Variants in OLFM1 observed in about 807,000 individuals in gnomAD.
OLFM1 encodes the protein noelin.
In OLFM1, 9 loss-of-function variants were observed where a neutral mutation model predicts 49.7. The ratio of observed to expected loss-of-function variants is 0.18; its 90% CI spans 0.11 to 0.32. The LOEUF (loss-of-function observed/expected upper bound fraction) is 0.32. Among genes scored for constraint, OLFM1 ranks in the 10% least tolerant of loss-of-function variants. The probability of loss-of-function intolerance (pLI) is 1.00; values close to 1 mark genes in which losing one functional copy is unlikely to be tolerated. For synonymous variants in OLFM1, 240 were observed against 271.8 expected (o/e 0.88, Z 1.15); for missense variants, 369 against 661.8 (o/e 0.56, Z 4.85).
rs554963406 is a variant in OLFM1 at position 135,076,771 on chromosome 9, CT to C, written c.96+970del. On this transcript the variant is annotated intron_variant, in intron 1 of 5. Transcript: ENST00000252854. ...CCTTGGCCCCAAGCCCCAGCTGCCCCTGACCCTTCTTTCCTTCCTCCCTTCC... is the reference window on the plus strand; with the variant it reads ...CCTTGGCCCCAAGCCCCAGCTGCCCCGACCCTTCTTTCCTTCCTCCCTTCC... 177 of 1,500,328 alleles carry C rather than the reference CT, an allele frequency of 1.2e-4. No homozygotes were observed. The African/African-American group carries it at 2.1e-3, about 17-fold the overall frequency. The allele number at this position is 1,500,328 out of a possible 1,614,324, so 92.9% of individuals were successfully genotyped here.
chr9:135,076,554 C>T, intron 1 of OLFM1: 1 of 1,135,606 alleles, frequency 8.8e-7, no homozygotes, highest in Non-Finnish European at 1.2e-6. Context: ...AGGAGAAGGG[C>T]TGTCTGTGAG....
intron 4 of OLFM1, among the ~76,000 whole-genome samples, chr9:135,104,702 G>A (rs1441152730): frequency 6.6e-6 from 1 of 152,168 alleles, no homozygotes; most frequent in Non-Finnish European, 1.5e-5. Context: ...GGCTGTGAAG[G>A]GCTTCTCCCA....
chr9:135,096,661 T>C (rs562068909), intron 3 of OLFM1, among the ~76,000 whole-genome samples: 8 of 152,348 alleles, frequency 5.3e-5, no homozygotes, highest in African/African-American at 1.7e-4. Flanking sequence ...GACATCGTTA[T>C]TGGCCCTTGT....
chr9:135,114,366 T>C (rs942007347), intron 5 of OLFM1, among the ~76,000 whole-genome samples: 7 of 151,942 alleles, frequency 4.6e-5, no homozygotes, highest in Non-Finnish European at 8.8e-5. Flanking sequence ...CCGCCCACCT[T>C]AGCCTCCCAA....
At chr9:135,116,607 G>A (rs1360301632) in intron 5 of OLFM1, among the ~76,000 whole-genome samples, 1 of 152,100 alleles carries the variant, frequency 6.6e-6, no homozygotes, top group Non-Finnish European at 1.5e-5. Context: ...GTGCTGCGAT[G>A]GCAGGGGTGG....
chr9:135,077,058 A>G, intron 1 of OLFM1: 1 of 1,436,518 alleles, frequency 7.0e-7, no homozygotes, highest in East Asian at 2.7e-5. Context: ...GAGGTTCTGC[A>G]TGGCCTCTAG....
chr9:135,087,610 C>T (rs1830615599), upstream of OLFM1: 2 of 752,520 alleles, frequency 2.7e-6, no homozygotes, highest in Non-Finnish European at 3.7e-6. Flanking sequence ...GCGTCGGTCC[C>T]GCCCGGCCGA....
rs1319758082 is a variant in OLFM1, at chr9:135,087,823, C to T, written c.-167C>T. On this transcript the variant is annotated 5_prime_UTR_variant, in exon 1 of 6. Coordinates refer to ENST00000371793, the MANE Select transcript of OLFM1 (RefSeq NM_001282611.2). ...CGCCCGGGGAAGGCGCGGCGATGGC[C>T]GGGGCGCGCGGGGCGGCGGCGGCGG... 1 of 881,054 alleles carries T rather than the reference C, an allele frequency of 1.1e-6. No individual in the cohort carries two copies. Among genetic ancestry groups the T allele is most frequent in the Non-Finnish European group, 1.4e-6 (1 of 737,632 alleles). The allele number at this position is 881,054 out of a possible 1,614,324, so 54.6% of individuals were successfully genotyped here.
rs775689982 is a variant in OLFM1 at position 135,098,244 on chromosome 9, CT to C, written c.457-40del. 2 of 1,600,870 alleles carry C rather than the reference CT, an allele frequency of 1.2e-6. No homozygotes were observed. Among genetic ancestry groups the C allele is most frequent in the Non-Finnish European group, 1.7e-6 (2 of 1,169,884 alleles). On this transcript the variant is annotated intron_variant, in intron 3 of 5. Transcript: ENST00000371793. This position sits in a 1 kb window ranked among gnomAD's most constrained non-coding sequence, Gnocchi z 5.6. Reference sequence around the variant, plus strand: ...CAGGCCAAGGCAGGGTGTGAGAGTTCTTGCATGCATCGCACTGAACCAGCTT... The same window carrying C: ...CAGGCCAAGGCAGGGTGTGAGAGTTCTGCATGCATCGCACTGAACCAGCTT...
chr9:135,077,619 A>C (rs1209632065), intron 1 of OLFM1, among the ~76,000 whole-genome samples: 2 of 152,088 alleles, frequency 1.3e-5, no homozygotes, highest in Non-Finnish European at 2.9e-5. Flanking sequence ...GCCAGCCCAC[A>C]GCCTCCGCGG....
intron 5 of OLFM1, among the ~76,000 whole-genome samples, chr9:135,114,123 C>CTTTTTTTTTTTTTTTT (rs138372395): frequency 2.6e-5 from 2 of 75,812 alleles, no homozygotes; most frequent in African/African-American, 5.1e-5. Flanking sequence ...TCTTGAGATT[C>CTTTTTTTTTTTTTTTT]TTTTTTTTTT....
At chr9:135,082,871 G>A (rs1380241013), upstream of OLFM1, among the ~76,000 whole-genome samples, 1 of 152,196 alleles carries the variant, frequency 6.6e-6, no homozygotes, top group Non-Finnish European at 1.5e-5. Flanking sequence ...CACAGGGCAG[G>A]CCCCATCAGT....
At chr9:135,089,155 C>T (rs1455066570) in intron 1 of OLFM1, among the ~76,000 whole-genome samples, 2 of 152,210 alleles carry the variant, frequency 1.3e-5, no homozygotes, top group African/African-American at 4.8e-5. Flanking sequence ...GGCCGCCCTC[C>T]CTGCTCCTTC....
In OLFM1 at chr9:135,076,634, G is replaced by C. The variant is rs1030648791; in HGVS notation, c.96+832G>C. The C allele has an allele frequency of 3.5e-6, 4 of 1,126,902 alleles. No homozygotes were observed. The African/African-American group carries it at 6.3e-5, about 18-fold the overall frequency. The allele number at this position is 1,126,902 out of a possible 1,614,324, so 69.8% of individuals were successfully genotyped here. On this transcript the variant is annotated intron_variant, in intron 1 of 5. Transcript: ENST00000252854. The stretch of plus-strand genomic sequence containing the variant: ...GCCTGCCAGCCGAGGGAGCCGGGCT[G>C]CTTGGGAGTGACATTAAAATGCCCT...
chr9:135,102,758 A>G (rs1830888084), intron 4 of OLFM1, among the ~76,000 whole-genome samples: 1 of 152,118 alleles, frequency 6.6e-6, no homozygotes, highest in South Asian at 2.1e-4. Context: ...GCAGGAGGTA[A>G]AAGCTGTGAC....
In OLFM1 at chr9:135,096,019, G is replaced by A; in HGVS notation, c.456G>A (p.Lys152=). 7.3e-7 allele frequency: 1 copy of A among 1,362,392 alleles called. No homozygotes were observed. The highest frequency in any genetic ancestry group is 2.1e-5 in the African/African-American group (1 of 47,536). The allele number at this position is 1,362,392 out of a possible 1,614,324, so 84.4% of individuals were successfully genotyped here. A position where few individuals can be genotyped will look rare whatever the true frequency, so the allele number is the denominator to read the frequency against. Residue 152 remains lysine (K), a splice_region_variant and synonymous_variant, in exon 3 of 6, where the codon AAG becomes AAA. Coordinates refer to ENST00000371793, the MANE Select transcript of OLFM1 (RefSeq NM_001282611.2). ...AGCAACACCTGGCCAGGCAGTTTAA[G>A]GTATGCATGTTCCTCCCCCTCTCCC... ...SHKQHLARQF[K]AIKAKMDELR...
upstream of OLFM1, chr9:135,086,497 C>A (rs971564447): frequency 2.8e-5 from 11 of 389,952 alleles, no homozygotes; most frequent in Admixed American, 2.9e-4. Flanking sequence ...GCCCGGCGTC[C>A]GTCTTTCAAA....
At chr9:135,094,299 T>A (rs566751281) in intron 2 of OLFM1, among the ~76,000 whole-genome samples, 1 of 152,350 alleles carries the variant, frequency 6.6e-6, no homozygotes, top group East Asian at 1.9e-4. Flanking sequence ...GCTGTGTGGC[T>A]CACTCCTAGG....
In OLFM1 at chr9:135,100,525, G is replaced by A. The variant is rs1247057338; in HGVS notation, c.676+2020G>A. ...TGCGTTTAATTCTTTCTTTGGAAGG[G>A]CTGCGACACGTAGGCGGAGCTGCTG... On this transcript the variant is annotated intron_variant, in intron 4 of 5. Coordinates refer to ENST00000371793, the MANE Select transcript of OLFM1 (RefSeq NM_001282611.2). Among the ~76,000 whole-genome samples the A allele has an allele frequency of 2.6e-5, 4 of 152,330 alleles. 1 individual carries two copies. Among genetic ancestry groups the A allele is most frequent in the Middle Eastern group, 6.8e-3 (2 of 294 alleles).
Sources: allele counts gnomAD v4.1 joint callset (sites outside exome capture counted in the v4.1 genomes callset), GRCh38; gene constraint gnomAD v4.1.1; non-coding constraint Gnocchi (gnomAD v3.1); transcripts MANE v1.5; gene names NCBI Gene and HGNC (gene_info 2026-07-23, HGNC 2026-07-21).